Variants in SLC36A1 observed in about 807,000 individuals in gnomAD.
The protein encoded by SLC36A1 is solute carrier family 36 member 1.
SLC36A1 carries 30 observed loss-of-function variants against 47.5 expected under a neutral mutation model. The ratio of observed to expected loss-of-function variants is 0.63; its 90% confidence interval spans 0.47 to 0.86. The LOEUF is 0.86. Ranked by LOEUF, SLC36A1 falls within the 40% of genes least tolerant of loss-of-function variation. The pLI is 0.00. For synonymous variants in SLC36A1, 255 were observed against 249.7 expected (o/e 1.02, Z -0.20); for missense variants, 517 against 606.0 (o/e 0.85, Z 1.54).
At chr5:151,542,168 C>T in the SLC36A1 span, 6 of 973,846 alleles carry the variant, frequency 6.2e-6, no homozygotes, top group Non-Finnish European at 9.1e-6. Context: ...TTAAGTGTGC[C>T]CAAGGTCACA....
the SLC36A1 span, among the ~76,000 whole-genome samples, chr5:151,403,526 C>G: frequency 6.6e-6 from 1 of 152,214 alleles, no homozygotes; most frequent in Non-Finnish European, 1.5e-5. Flanking sequence ...CCTGCTCCAG[C>G]TTTGTCTTCT....
intron 2 of SLC36A1, among the ~76,000 whole-genome samples, chr5:151,459,267 C>T (rs968848665): frequency 6.6e-6 from 1 of 152,164 alleles, no homozygotes; most frequent in African/African-American, 2.4e-5. Flanking sequence ...CAAGCATAAT[C>T]GGAAGCTTCC....
chr5:151,547,886 T>G, the SLC36A1 span, among the ~76,000 whole-genome samples: 1 of 152,190 alleles, frequency 6.6e-6, no homozygotes, highest in African/African-American at 2.4e-5. Flanking sequence ...ATGATGGTTA[T>G]GTGTTGTGTT....
At chr5:151,424,065 C>T in the SLC36A1 span, among the ~76,000 whole-genome samples, 1 of 152,166 alleles carries the variant, frequency 6.6e-6, no homozygotes. Flanking sequence ...TACAAATGTA[C>T]AAGTCGCCTC....
the SLC36A1 span, chr5:151,534,659 C>T: frequency 6.3e-7 from 1 of 1,595,802 alleles, no homozygotes; most frequent in Non-Finnish European, 8.6e-7. Context: ...GGAGAAATGA[C>T]AAAAGTTGAG....
chr5:151,508,256 C>T, the SLC36A1 span, among the ~76,000 whole-genome samples: 2 of 152,204 alleles, frequency 1.3e-5, no homozygotes, highest in African/African-American at 4.8e-5. Context: ...AATGTCACTA[C>T]CAGTTGTTTG....
the SLC36A1 span, chr5:151,543,970 G>T: frequency 6.2e-7 from 1 of 1,614,072 alleles, no homozygotes; most frequent in Non-Finnish European, 8.5e-7. Context: ...ACTGACATTG[G>T]CTTCATATTG....
chr5:151,518,057 G>T, the SLC36A1 span, among the ~76,000 whole-genome samples: 2 of 152,186 alleles, frequency 1.3e-5, no homozygotes, highest in Non-Finnish European at 2.9e-5. Context: ...TCATCCAGGT[G>T]AGGTGGCTCA....
the SLC36A1 span, among the ~76,000 whole-genome samples, chr5:151,420,870 CTT>C: frequency 2.1e-5 from 3 of 144,480 alleles, no homozygotes; most frequent in Non-Finnish European, 4.6e-5. Context: ...CTTTCTTTCT[CTT>C]TCTTTCTTTT....
the SLC36A1 span, among the ~76,000 whole-genome samples, chr5:151,537,003 C>G: frequency 2.6e-5 from 4 of 152,192 alleles, no homozygotes; most frequent in Non-Finnish European, 5.9e-5. Context: ...CTTTCCCCCA[C>G]TCTCTTACCC....
In SLC36A1 at chr5:151,476,078, T is replaced by G. The variant is rs73796601; in HGVS notation, c.823-512T>G. 4.9e-3 allele frequency among the ~76,000 whole-genome samples: 744 copies of G among 152,364 alleles called. 4 individuals are homozygous for G. Among genetic ancestry groups the G allele is most frequent in the African/African-American group, 0.017 (714 of 41,586 alleles). Reference sequence around the variant, plus strand: ...TGAGATCCTCTACGAAGTCATGCTTTCTTTCGCACTGCAGTTTCTCTCACT... The same window carrying G: ...TGAGATCCTCTACGAAGTCATGCTTGCTTTCGCACTGCAGTTTCTCTCACT... On this transcript the variant is annotated intron_variant, in intron 8 of 10. Transcript: ENST00000243389.
At chr5:151,522,063 G>T in the SLC36A1 span, 1 of 1,596,958 alleles carries the variant, frequency 6.3e-7, no homozygotes, top group South Asian at 1.1e-5. Context: ...AAGACGAGAG[G>T]GGAGGGATGC....
the SLC36A1 span, chr5:151,550,827 C>A: frequency 6.2e-7 from 1 of 1,613,742 alleles, no homozygotes; most frequent in East Asian, 2.2e-5. Context: ...TTTCCAGAAA[C>A]TGGGGCCGAT....
the SLC36A1 span, among the ~76,000 whole-genome samples, chr5:151,531,069 C>G: frequency 6.6e-6 from 1 of 152,248 alleles, no homozygotes; most frequent in South Asian, 2.1e-4. This position sits in a 1 kb window ranked among gnomAD's most constrained non-coding sequence, Gnocchi z 5.7. Context: ...GACTTTGAGT[C>G]TTCTGTGGCT....
chr5:151,382,308 C>T, the SLC36A1 span: 373 of 1,111,004 alleles, frequency 3.4e-4, 2 homozygotes, highest in Non-Finnish European at 7.0e-5. Context: ...CCTGCACAGT[C>T]GCCTCAGCAG....
At chr5:151,494,809 A>G (rs570033273), downstream of SLC36A1, among the ~76,000 whole-genome samples, 1 of 152,300 alleles carries the variant, frequency 6.6e-6, no homozygotes, top group East Asian at 1.9e-4. Context: ...TTCTTCCTTT[A>G]AAACTCACTT....
At chr5:151,403,320 C>G in the SLC36A1 span, among the ~76,000 whole-genome samples, 2 of 152,122 alleles carry the variant, frequency 1.3e-5, no homozygotes, top group East Asian at 3.8e-4. Context: ...TTGTCATCCC[C>G]CCAGTGTTGA....
chr5:151,554,940 C>G, the SLC36A1 span, among the ~76,000 whole-genome samples: 1 of 152,152 alleles, frequency 6.6e-6, no homozygotes, highest in Non-Finnish European at 1.5e-5. Context: ...TGGGACAACC[C>G]CTGGGCCATT....
At chr5:151,478,112 T>C (rs764746242) in intron 9 of SLC36A1, among the ~76,000 whole-genome samples, 3 of 152,236 alleles carry the variant, frequency 2.0e-5, no homozygotes, top group Non-Finnish European at 4.4e-5. Context: ...AGACTCAGTC[T>C]TTACAAGGTT....
Sources: allele counts gnomAD v4.1 joint callset (sites outside exome capture counted in the v4.1 genomes callset), GRCh38; gene constraint gnomAD v4.1.1; non-coding constraint Gnocchi (gnomAD v3.1); transcripts MANE v1.5; gene names NCBI Gene and HGNC (gene_info 2026-07-23, HGNC 2026-07-21).